The following FAM168A variants were observed in gnomAD, a reference collection of about 807,000 sequenced individuals.
FAM168A encodes protein FAM168A.
FAM168A carries 3 observed loss-of-function variants against 28.5 expected under a neutral mutation model. That is an observed-to-expected ratio of 0.11 (90% CI 0.05 to 0.27). FAM168A has a LOEUF of 0.27. Among genes scored for constraint, FAM168A ranks in the 10% least tolerant of loss-of-function variants. The pLI, the probability that FAM168A is intolerant of heterozygous loss-of-function variation, is 1.00. For missense variants in FAM168A, 222 were observed against 311.5 expected (o/e 0.71, Z 2.16); for synonymous variants, 122 against 124.2 (o/e 0.98, Z 0.12).
Position 73,587,480 on chromosome 11 carries a change from A to G in FAM168A, c.-19+10443T>C, listed in dbSNP as rs377344630. Among the ~76,000 whole-genome samples, 23 of 151,490 alleles carry G rather than the reference A, an allele frequency of 1.5e-4. No individual in the cohort carries two copies. The South Asian group carries it at 4.8e-3, about 32-fold the overall frequency. ...GCACTCCAGCTGAGGTGACAAAGCG[A>G]GACTCCGTCTCAAAAAAAAAAAAAA... On this transcript the variant is annotated intron_variant, in intron 1 of 7. Transcript: ENST00000356467.
intron 1 of FAM168A, among the ~76,000 whole-genome samples, chr11:73,481,178 C>T (rs973464885): frequency 1.1e-4 from 17 of 152,204 alleles, no homozygotes; most frequent in African/African-American, 3.6e-4. Context: ...CTCAGCCTCC[C>T]ACGTAGCTGG....
At position 73,461,086 on chromosome 11, in the gene FAM168A, T is replaced by A. The variant is rs193199801; in HGVS notation, c.70+7319A>T. ...CAGGGGCCTAGCTGGGTATTAGAGA[T>A]ACAGGAGTAAATCAGATACTGAATT... On this transcript the variant is annotated intron_variant, in intron 2 of 7. Transcript: ENST00000356467. Among the ~76,000 whole-genome samples the A allele has an allele frequency of 2.4e-3, 367 of 152,222 alleles. 2 individuals carry two copies. Among genetic ancestry groups the A allele is most frequent in the Non-Finnish European group, 3.8e-3 (261 of 68,006 alleles).
chr11:73,429,492 T>A (rs1866946371), intron 3 of FAM168A, among the ~76,000 whole-genome samples: 1 of 152,194 alleles, frequency 6.6e-6, no homozygotes, highest in Admixed American at 6.5e-5. Context: ...ATATCTATAG[T>A]TCAGATTCAT....
intron 2 of FAM168A, among the ~76,000 whole-genome samples, chr11:73,433,126 A>G (rs866699814): frequency 1.4e-5 from 1 of 72,304 alleles, no homozygotes; most frequent in Non-Finnish European, 2.5e-5. Context: ...GGGTCTCATT[A>G]TGTTGCCCAC....
chr11:73,561,331 C>T (rs57181830), intron 1 of FAM168A, among the ~76,000 whole-genome samples: 2,704 of 151,818 alleles, frequency 0.018, 62 homozygotes, highest in African/African-American at 0.055. Context: ...GCCGAGATCA[C>T]GCACCATTGC....
chr11:73,438,059 T>C (rs923390093), intron 2 of FAM168A, among the ~76,000 whole-genome samples: 3 of 152,134 alleles, frequency 2.0e-5, no homozygotes, highest in Non-Finnish European at 2.9e-5. Flanking sequence ...ACTATGGTGA[T>C]TGTGGTCAGT....
chr11:73,486,641 A>G (rs1868057332), intron 1 of FAM168A, among the ~76,000 whole-genome samples: 2 of 152,218 alleles, frequency 1.3e-5, no homozygotes, highest in African/African-American at 4.8e-5. Context: ...AGCTCACTGT[A>G]GAATTTTTCC....
intron 1 of FAM168A, among the ~76,000 whole-genome samples, chr11:73,563,226 T>C (rs1180056575): frequency 1.3e-5 from 2 of 152,212 alleles, no homozygotes; most frequent in Non-Finnish European, 2.9e-5. Flanking sequence ...GGTATATGCT[T>C]TGGAAGGCTC....
Position 73,411,511 on chromosome 11 carries a change from C to T in FAM168A, c.303G>A (p.Lys101=). The change falls in exon 5 of 8, where the codon AAG becomes AAA. Residue 101 remains lysine (K), a synonymous_variant. Transcript: ENST00000356467. ...AFRYTAGTPY[K]VPPTQSNTAP... ...CAGTGTTACTCTGGGTCGGTGGGAC[C>T]TTGTATGGTGTCCCCGCAGTATATC... 1.2e-6 allele frequency: 2 copies of T among 1,613,968 alleles called. No individual in the cohort carries two copies. Among genetic ancestry groups the T allele is most frequent in the Non-Finnish European group, 1.7e-6 (2 of 1,179,926 alleles).
intron 1 of FAM168A, among the ~76,000 whole-genome samples, chr11:73,497,337 C>T (rs531849089): frequency 1.4e-4 from 21 of 152,012 alleles, no homozygotes; most frequent in Admixed American, 4.6e-4. Context: ...TGGTGGCGCG[C>T]GCCTGTAGTC....
At chr11:73,485,286 G>C (rs1386877082) in intron 1 of FAM168A, among the ~76,000 whole-genome samples, 1 of 152,174 alleles carries the variant, frequency 6.6e-6, no homozygotes, top group South Asian at 2.1e-4. Flanking sequence ...CTAGATCTGA[G>C]CTAATCACTG....
intron 2 of FAM168A, among the ~76,000 whole-genome samples, chr11:73,436,517 AT>A (rs10718192): frequency 1 from 152,153 of 152,158 alleles, 76,074 homozygotes; most frequent in Middle Eastern, 1. Context: ...AACCAAAACA[AT>A]GACCAAAAAA....
At chr11:73,496,900 C>T (rs888771582) in intron 1 of FAM168A, among the ~76,000 whole-genome samples, 7 of 149,706 alleles carry the variant, frequency 4.7e-5, no homozygotes, top group African/African-American at 1.7e-4. Flanking sequence ...CACACACACA[C>T]ACACACGCAC....
chr11:73,527,240 G>A (rs957019933), intron 1 of FAM168A, among the ~76,000 whole-genome samples: 4 of 152,096 alleles, frequency 2.6e-5, no homozygotes, highest in African/African-American at 7.2e-5. Context: ...ATGGGGAAAC[G>A]ACTCCATGGT....
At chr11:73,504,759 T>C (rs1484280123) in intron 1 of FAM168A, among the ~76,000 whole-genome samples, 1 of 152,122 alleles carries the variant, frequency 6.6e-6, no homozygotes, top group African/African-American at 2.4e-5. Flanking sequence ...CCAATCTAAA[T>C]GCCATCAATG....
At chr11:73,499,859 A>G (rs1445249356) in intron 1 of FAM168A, among the ~76,000 whole-genome samples, 1 of 152,162 alleles carries the variant, frequency 6.6e-6, no homozygotes, top group Non-Finnish European at 1.5e-5. Flanking sequence ...AAAGCCTCCA[A>G]CAAATATGGG....
chr11:73,548,906 G>A (rs1439760772), intron 1 of FAM168A, among the ~76,000 whole-genome samples: 3 of 152,094 alleles, frequency 2.0e-5, no homozygotes, highest in Admixed American at 2.0e-4. Flanking sequence ...AAAGTGCTGG[G>A]ATTATAGGAG....
chr11:73,530,901 G>A (rs1943507143), intron 1 of FAM168A, among the ~76,000 whole-genome samples: 1 of 152,048 alleles, frequency 6.6e-6, no homozygotes, highest in South Asian at 2.1e-4. Flanking sequence ...GGTAAACCTG[G>A]GATTTGTAGT....
chr11:73,539,293 G>A (rs1043172317), intron 1 of FAM168A, among the ~76,000 whole-genome samples: 5 of 151,528 alleles, frequency 3.3e-5, no homozygotes, highest in African/African-American at 9.7e-5. Context: ...TTTTTGAGAC[G>A]GAGTCTCATT....
Sources: allele counts gnomAD v4.1 joint callset (sites outside exome capture counted in the v4.1 genomes callset), GRCh38; gene constraint gnomAD v4.1.1; transcripts MANE v1.5; gene names NCBI Gene and HGNC (gene_info 2026-07-23, HGNC 2026-07-21).